The following RAB1A variants were observed in gnomAD, a reference collection of about 807,000 sequenced individuals.
RAB1A encodes RAB1A, member RAS oncogene family.
RAB1A carries 2 observed loss-of-function variants against 26.0 expected under a neutral mutation model. The ratio of observed to expected loss-of-function variants is 0.08; its 90% CI spans 0.03 to 0.24. The LOEUF (loss-of-function observed/expected upper bound fraction) is 0.24, where lower values mean the gene tolerates loss of function less well. Among genes scored for constraint, RAB1A ranks in the 10% least tolerant of loss-of-function variants. The pLI is 1.00. For synonymous variants in RAB1A, 84 were observed against 84.9 expected, an observed-to-expected ratio of 0.99 and a Z score of 0.06; for missense variants, 100 against 247.0, an observed-to-expected ratio of 0.40 and a Z score of 3.99.
intron 1 of RAB1A, among the ~76,000 whole-genome samples, chr2:65,107,615 G>T (rs756775424): frequency 2.0e-5 from 3 of 152,116 alleles, no homozygotes; most frequent in Non-Finnish European, 4.4e-5. Context: ...AGCCTCCTGA[G>T]TAGCTGGGAC....
chr2:65,098,700 C>T (rs898811461), intron 2 of RAB1A, among the ~76,000 whole-genome samples: 24 of 152,252 alleles, frequency 1.6e-4, no homozygotes, highest in South Asian at 2.1e-4. Flanking sequence ...CACTAATCTA[C>T]TTTCTCTTTA....
chr2:65,094,634 A>C (rs1046785545), intron 3 of RAB1A, among the ~76,000 whole-genome samples: 1 of 152,036 alleles, frequency 6.6e-6, no homozygotes, highest in African/African-American at 2.4e-5. Context: ...AAAAACCTTA[A>C]GACCCAAACT....
At chr2:65,111,132 C>A (rs999679512) in intron 1 of RAB1A, among the ~76,000 whole-genome samples, 2 of 152,004 alleles carry the variant, frequency 1.3e-5, no homozygotes, top group Admixed American at 6.6e-5. Context: ...GAGGCCAACG[C>A]GGGTGGATTG....
chr2:65,093,887 G>C (rs190099188), intron 3 of RAB1A, among the ~76,000 whole-genome samples: 1 of 151,774 alleles, frequency 6.6e-6, no homozygotes, highest in East Asian at 1.9e-4. Context: ...CTCCCAAAGT[G>C]CTGGGATTAC....
chr2:65,125,236 C>T (rs1670070310), intron 1 of RAB1A, among the ~76,000 whole-genome samples: 1 of 151,952 alleles, frequency 6.6e-6, no homozygotes, highest in Non-Finnish European at 1.5e-5. Context: ...AAGTAGACTA[C>T]TATATTTCTT....
chr2:65,112,958 C>T lies in RAB1A; in HGVS notation c.24-8152G>A, dbSNP rs189042379. 2.5e-3 allele frequency among the ~76,000 whole-genome samples: 377 copies of T among 152,224 alleles called. 4 individuals carry two copies. The highest frequency in any genetic ancestry group is 8.6e-3 in the African/African-American group (358 of 41,526). On this transcript the variant is annotated intron_variant, in intron 1 of 5. Transcript: ENST00000409784. Reference sequence around the variant, plus strand: ...CACGGCAGCTTGTGCCTATTAATTCCAGCACTTTGGGAGGCTGAGGCTGGA... The same window carrying T: ...CACGGCAGCTTGTGCCTATTAATTCTAGCACTTTGGGAGGCTGAGGCTGGA...
At position 65,129,731 on chromosome 2, in the gene RAB1A, T is replaced by A. The variant is rs1202325427; in HGVS notation, c.23+162A>T. On this transcript the variant is annotated intron_variant, in intron 1 of 5. Coordinates refer to ENST00000409784, the MANE Select transcript of RAB1A (RefSeq NM_004161.5). The stretch of plus-strand genomic sequence containing the variant: ...TCCCCCGCGCGGCCGCCCCTCCGCG[T>A]CAGACAATGGGGCCCGACTCCCGGC... 2.7e-5 allele frequency among the ~76,000 whole-genome samples: 4 copies of A among 149,778 alleles called. No individual in the cohort carries two copies. In the South Asian group the frequency reaches 8.5e-4, roughly 32 times the overall value.
intron 1 of RAB1A, among the ~76,000 whole-genome samples, chr2:65,121,262 C>T (rs1486231814): frequency 1.3e-5 from 2 of 150,372 alleles, no homozygotes; most frequent in Admixed American, 1.3e-4. Flanking sequence ...AAACCATAGC[C>T]ACGTGGCTGG....
intron 1 of RAB1A, among the ~76,000 whole-genome samples, chr2:65,128,834 T>C (rs1481699848): frequency 2.0e-5 from 3 of 152,202 alleles, no homozygotes; most frequent in African/African-American, 7.2e-5. Flanking sequence ...GCATGTAAAC[T>C]GTAGAGGAAA....
chr2:65,108,774 T>C (rs1219521860), intron 1 of RAB1A, among the ~76,000 whole-genome samples: 1 of 152,058 alleles, frequency 6.6e-6, no homozygotes, highest in Non-Finnish European at 1.5e-5. Context: ...TCATTGTACT[T>C]CAGCCTGGAC....
intron 1 of RAB1A, among the ~76,000 whole-genome samples, chr2:65,115,813 G>C (rs749709916): frequency 1.8e-4 from 28 of 152,112 alleles, no homozygotes; most frequent in Non-Finnish European, 2.5e-4. Flanking sequence ...AGAGACAATA[G>C]ATTAATTTTC....
chr2:65,094,071 G>A (rs1669230768), intron 3 of RAB1A, among the ~76,000 whole-genome samples: 1 of 151,852 alleles, frequency 6.6e-6, no homozygotes, highest in Non-Finnish European at 1.5e-5. Context: ...CCGGGCTCAA[G>A]CAATCCTCCC....
At chr2:65,125,944 T>C (rs1670090633) in intron 1 of RAB1A, among the ~76,000 whole-genome samples, 1 of 139,218 alleles carries the variant, frequency 7.2e-6, no homozygotes, top group Non-Finnish European at 1.5e-5. Context: ...TGATCTCGGC[T>C]CACTGCAACC....
chr2:65,115,942 G>T (rs892412721), intron 1 of RAB1A, among the ~76,000 whole-genome samples: 1 of 152,074 alleles, frequency 6.6e-6, no homozygotes, highest in Non-Finnish European at 1.5e-5. Context: ...GATCACTTGA[G>T]GCCAAGAGTT....
intron 2 of RAB1A, among the ~76,000 whole-genome samples, chr2:65,102,666 G>A (rs1054675971): frequency 2.0e-5 from 3 of 150,648 alleles, no homozygotes; most frequent in Admixed American, 6.6e-5. Context: ...AGTAGTTCAC[G>A]CCTGTAATCC....
chr2:65,123,832 A>G (rs1023974345), intron 1 of RAB1A, among the ~76,000 whole-genome samples: 10 of 152,080 alleles, frequency 6.6e-5, no homozygotes, highest in African/African-American at 2.4e-4. Flanking sequence ...AAAGAAAAAA[A>G]AAGAAGCCAA....
intron 1 of RAB1A, among the ~76,000 whole-genome samples, chr2:65,116,727 A>C (rs1456620810): frequency 6.6e-6 from 1 of 152,250 alleles, no homozygotes; most frequent in Non-Finnish European, 1.5e-5. Context: ...AGGAGTTTAC[A>C]TATATAATCT....
At chr2:65,090,300 A>G (rs1669141688) in intron 4 of RAB1A, among the ~76,000 whole-genome samples, 1 of 152,198 alleles carries the variant, frequency 6.6e-6, no homozygotes, top group Admixed American at 6.5e-5. Flanking sequence ...AACATTTGCC[A>G]AAAGAAAAAT....
intron 4 of RAB1A, 58 bp from the exon 5 acceptor site, chr2:65,089,128 C>G: frequency 6.8e-7 from 1 of 1,466,698 alleles, no homozygotes; most frequent in Non-Finnish European, 9.3e-7. Flanking sequence ...CTGGAATAAA[C>G]AGAAACATCG....
Sources: gnomAD v4.1 joint callset for allele counts (sites outside exome capture counted in the v4.1 genomes callset) on GRCh38, gnomAD v4.1.1 for gene constraint, MANE v1.5 for transcripts, NCBI Gene and HGNC (gene_info 2026-07-23, HGNC 2026-07-21) for gene names.